Variants in GABRB2 observed in about 807,000 individuals in gnomAD.
GABRB2 encodes gamma-aminobutyric acid type A receptor subunit beta2.
In GABRB2, 16 loss-of-function variants were observed where a neutral mutation model predicts 54.7. That is an observed-to-expected ratio of 0.29 (90% CI 0.20 to 0.44). The LOEUF (loss-of-function observed/expected upper bound fraction) is 0.44, where lower values mean the gene tolerates loss of function less well. GABRB2 is among the 20% of genes least tolerant of loss of function. The probability of loss-of-function intolerance (pLI) is 1.00; values close to 1 mark genes in which losing one functional copy is unlikely to be tolerated. For synonymous variants in GABRB2, 244 were observed against 233.8 expected, an observed-to-expected ratio of 1.04 and a Z score of -0.40; for missense variants, 355 against 644.0, an observed-to-expected ratio of 0.55 and a Z score of 4.86.
At chr5:161,316,502 CTTTTTG>C (rs1049350917) in intron 9 of GABRB2, among the ~76,000 whole-genome samples, 3 of 152,182 alleles carry the variant, frequency 2.0e-5, no homozygotes, top group African/African-American at 7.2e-5. Flanking sequence ...ACTATTCTTT[CTTTTTG>C]TTTATTTTTA....
intron 9 of GABRB2, among the ~76,000 whole-genome samples, chr5:161,302,965 C>T (rs1385806588): frequency 1.3e-5 from 2 of 152,154 alleles, no homozygotes; most frequent in African/African-American, 4.8e-5. Context: ...ACAGGAAATA[C>T]TGCTAAAATA....
intron 3 of GABRB2, among the ~76,000 whole-genome samples, chr5:161,528,008 G>A (rs1760335961): frequency 6.6e-6 from 1 of 151,666 alleles, no homozygotes; most frequent in Admixed American, 6.6e-5. Flanking sequence ...ACACAGGAGT[G>A]TTTAATATAA....
At chr5:161,497,554 G>GTA (rs1554104520) in intron 3 of GABRB2, among the ~76,000 whole-genome samples, 1 of 151,684 alleles carries the variant, frequency 6.6e-6, no homozygotes, top group Non-Finnish European at 1.5e-5. Flanking sequence ...GTGTGTGTGT[G>GTA]TGTGTTTTAT....
chr5:161,399,990 T>C (rs770819853), intron 5 of GABRB2, among the ~76,000 whole-genome samples: 18 of 152,134 alleles, frequency 1.2e-4, no homozygotes, highest in Non-Finnish European at 2.2e-4. Flanking sequence ...CAGGGGTAGA[T>C]GGTAGATTCT....
intron 3 of GABRB2, among the ~76,000 whole-genome samples, chr5:161,531,330 A>G (rs1760455602): frequency 6.6e-6 from 1 of 152,174 alleles, no homozygotes; most frequent in Admixed American, 6.6e-5. Context: ...ATATCCTCAC[A>G]GAAACCTGAC....
intron 4 of GABRB2, among the ~76,000 whole-genome samples, chr5:161,438,866 G>C (rs1267020498): frequency 6.6e-6 from 1 of 151,878 alleles, no homozygotes; most frequent in African/African-American, 2.4e-5. Flanking sequence ...GGGGACAAAA[G>C]AAAAAAGAAC....
At chr5:161,349,677 C>T (rs1397324761) in intron 5 of GABRB2, among the ~76,000 whole-genome samples, 1 of 152,030 alleles carries the variant, frequency 6.6e-6, no homozygotes, top group East Asian at 1.9e-4. Flanking sequence ...TGTAAACTGC[C>T]CCATGGAGAG....
At position 161,289,119 on chromosome 5, in the gene GABRB2, T is replaced by C. The variant is rs1458850832; in HGVS notation, c.*4962A>G. On this transcript the variant is annotated 3_prime_UTR_variant, in exon 10 of 10. Coordinates refer to ENST00000393959, the MANE Select transcript of GABRB2 (RefSeq NM_001371727.1). Reference sequence around the variant, plus strand: ...ATCATTTGAATCATATTGATCTTCATCACAAATAAAACTTCTTTAAGCAAA... The same window carrying C: ...ATCATTTGAATCATATTGATCTTCACCACAAATAAAACTTCTTTAAGCAAA... The C allele has an allele frequency of 6.6e-6, 1 of 151,540 alleles. No homozygotes were observed. The highest frequency in any genetic ancestry group is 2.4e-5 in the African/African-American group (1 of 41,204). 9.4% of individuals were successfully genotyped at this position (151,540 alleles called of 1,614,324 possible).
At chr5:161,511,447 CCAAA>C (rs2113405155) in intron 3 of GABRB2, among the ~76,000 whole-genome samples, 1 of 152,016 alleles carries the variant, frequency 6.6e-6, no homozygotes, top group East Asian at 1.9e-4. Flanking sequence ...TAAGACAAAA[CCAAA>C]CAAGGCTTGT....
rs1247881699 is a variant in GABRB2, at chr5:161,419,140, TAAAC to T, written c.459-8087_459-8084del. Among the ~76,000 whole-genome samples the T allele has an allele frequency of 8.6e-5, 13 of 151,796 alleles. No homozygotes were observed. The East Asian group carries it at 1.2e-3, about 14-fold the overall frequency. Reference sequence around the variant, plus strand: ...AGACCCTGTGTCAAAAACAAACAAATAAACAAACTAACAAAAAAGATATTTCTCA... The same window carrying T: ...AGACCCTGTGTCAAAAACAAACAAATAAACTAACAAAAAAGATATTTCTCA... On this transcript the variant is annotated intron_variant, in intron 4 of 9. Coordinates refer to ENST00000393959, the MANE Select transcript of GABRB2 (RefSeq NM_001371727.1).
intron 5 of GABRB2, among the ~76,000 whole-genome samples, chr5:161,375,361 T>C (rs1008097649): frequency 3.9e-5 from 6 of 152,146 alleles, no homozygotes; most frequent in Non-Finnish European, 7.4e-5. Flanking sequence ...TCAGAAGATC[T>C]AGCAACAGCG....
In GABRB2 at chr5:161,538,880, G is replaced by A. The variant is rs561855728; in HGVS notation, c.237+6347C>T. Among the ~76,000 whole-genome samples, 51 of 152,258 alleles carry A rather than the reference G, an allele frequency of 3.3e-4. No individual in the cohort carries two copies. In the Middle Eastern group the frequency reaches 0.014, roughly 41 times the overall value. Reference sequence around the variant, plus strand: ...TATATTTCATGAGGTCAGGGGATGGGTTGGTCTCATTCACTACTCTGTCCA... The same window carrying A: ...TATATTTCATGAGGTCAGGGGATGGATTGGTCTCATTCACTACTCTGTCCA... On this transcript the variant is annotated intron_variant, in intron 3 of 9. Coordinates refer to ENST00000393959, the MANE Select transcript of GABRB2 (RefSeq NM_001371727.1).
At chr5:161,403,037 G>A (rs1304282768) in intron 5 of GABRB2, among the ~76,000 whole-genome samples, 2 of 152,182 alleles carry the variant, frequency 1.3e-5, no homozygotes, top group Non-Finnish European at 2.9e-5. Flanking sequence ...CAGTCAGCAA[G>A]TTCAACGTGA....
intron 5 of GABRB2, among the ~76,000 whole-genome samples, chr5:161,390,899 T>C (rs144792542): frequency 1.3e-5 from 2 of 152,222 alleles, no homozygotes; most frequent in African/African-American, 4.8e-5. Context: ...ACATATTATA[T>C]CTACACTTAA....
chr5:161,338,544 T>C (rs1754062031), intron 5 of GABRB2, among the ~76,000 whole-genome samples: 1 of 152,086 alleles, frequency 6.6e-6, no homozygotes, highest in African/African-American at 2.4e-5. Flanking sequence ...TCCCAGCACT[T>C]TGGGAGGCCA....
At chr5:161,393,938 T>C (rs1755914976) in intron 5 of GABRB2, among the ~76,000 whole-genome samples, 1 of 152,074 alleles carries the variant, frequency 6.6e-6, no homozygotes, top group African/African-American at 2.4e-5. Flanking sequence ...AACCTTCAAC[T>C]GCACAATACA....
chr5:161,535,220 T>C (rs140741131), intron 3 of GABRB2, among the ~76,000 whole-genome samples: 59 of 152,278 alleles, frequency 3.9e-4, no homozygotes, highest in African/African-American at 1.3e-3. Context: ...TAAATTGTGC[T>C]CAAGAGATGT....
chr5:161,422,450 G>A (rs1401955698), intron 4 of GABRB2, among the ~76,000 whole-genome samples: 1 of 151,944 alleles, frequency 6.6e-6, no homozygotes, highest in Non-Finnish European at 1.5e-5. Context: ...TGAGGACATA[G>A]GAAAGTTTTA....
At chr5:161,325,741 A>G (rs1450833763) in intron 9 of GABRB2, among the ~76,000 whole-genome samples, 1 of 152,160 alleles carries the variant, frequency 6.6e-6, no homozygotes, top group African/African-American at 2.4e-5. Flanking sequence ...ACACATGAGG[A>G]TTCAGAAACT....
Sources: allele counts gnomAD v4.1 joint callset (sites outside exome capture counted in the v4.1 genomes callset), GRCh38; gene constraint gnomAD v4.1.1; transcripts MANE v1.5; gene names NCBI Gene and HGNC (gene_info 2026-07-23, HGNC 2026-07-21).